ADGRE2: variants seen among roughly 807,000 people sequenced by gnomAD.
ADGRE2 encodes the protein adhesion G protein-coupled receptor E2, also known as CD97 antigen.
A neutral mutation model predicts 100.8 loss-of-function variants in ADGRE2; 83 were observed. The ratio of observed to expected loss-of-function variants is 0.82; its 90% CI spans 0.69 to 0.99. The LOEUF (loss-of-function observed/expected upper bound fraction) is 0.99, where lower values mean the gene tolerates loss of function less well. Ranked by LOEUF, ADGRE2 falls within the 50% of genes least tolerant of loss-of-function variation. The probability of loss-of-function intolerance (pLI) is 0.00; values close to 1 mark genes in which losing one functional copy is unlikely to be tolerated. For synonymous variants in ADGRE2, 355 were observed against 413.0 expected (o/e 0.86, Z 1.70); for missense variants, 814 against 1,035.7 (o/e 0.79, Z 2.94).
chr19:14,771,039 G>T (rs1396762294), intron 5 of ADGRE2, among the ~76,000 whole-genome samples: 1 of 152,048 alleles, frequency 6.6e-6, no homozygotes, highest in Admixed American at 6.6e-5. Flanking sequence ...ATATGTGCAT[G>T]CAATGTAGCA....
At chr19:14,726,787 C>T in the ADGRE2 span, among the ~76,000 whole-genome samples, 3 of 152,158 alleles carry the variant, frequency 2.0e-5, no homozygotes, top group African/African-American at 7.2e-5. Flanking sequence ...CTCAGCCTGA[C>T]CTTCACTGTC....
chr19:14,737,687 T>C (rs2524374), intron 20 of ADGRE2, among the ~76,000 whole-genome samples: 33,886 of 151,808 alleles, frequency 0.22, 4,014 homozygotes, highest in Non-Finnish European at 0.26. Flanking sequence ...CTGGGCCAGG[T>C]GTGGTGACTC....
At chr19:14,759,016 T>G (rs2043604498) in intron 11 of ADGRE2, among the ~76,000 whole-genome samples, 1 of 152,178 alleles carries the variant, frequency 6.6e-6, no homozygotes, top group Non-Finnish European at 1.5e-5. Flanking sequence ...GTGTCCGATT[T>G]ACATAAGGCT....
At chr19:14,728,569 G>A (rs187558865), downstream of ADGRE2, among the ~76,000 whole-genome samples, 13 of 152,324 alleles carry the variant, frequency 8.5e-5, no homozygotes, top group African/African-American at 7.2e-5. Flanking sequence ...AGATGAGCAG[G>A]TGAAGCCACT....
chr19:14,772,172 C>T, intron 5 of ADGRE2, 170 bp downstream of exon 5: 2 of 941,968 alleles, frequency 2.1e-6, no homozygotes, highest in East Asian at 2.5e-5. Flanking sequence ...GGCCTTCACA[C>T]CACGCTGCCT....
intron 1 of ADGRE2, among the ~76,000 whole-genome samples, chr19:14,777,982 T>C (rs1291562335): frequency 1.3e-5 from 2 of 152,246 alleles, no homozygotes; most frequent in Non-Finnish European, 2.9e-5. Context: ...TATAGTAGCA[T>C]GATTTATAAT....
chr19:14,772,286 C>T, intron 5 of ADGRE2, 56 bp downstream of exon 5: 1 of 1,607,950 alleles, frequency 6.2e-7, no homozygotes, highest in Non-Finnish European at 8.5e-7. Context: ...AGAAACAGCT[C>T]TGGTGACCCC....
intron 5 of ADGRE2, among the ~76,000 whole-genome samples, chr19:14,767,358 C>T (rs2044028401): frequency 6.6e-6 from 1 of 152,054 alleles, no homozygotes; most frequent in Non-Finnish European, 1.5e-5. Flanking sequence ...CCTGCCTCAG[C>T]CTCCCGAATA....
At chr19:14,773,101 AAAAAAAAAAG>A (rs1277069862) in intron 4 of ADGRE2, among the ~76,000 whole-genome samples, 1 of 147,530 alleles carries the variant, frequency 6.8e-6, no homozygotes, top group African/African-American at 2.5e-5. Context: ...AAAAAAAACA[AAAAAAAAAAG>A]AAAAAAGAAA....
intron 20 of ADGRE2, among the ~76,000 whole-genome samples, chr19:14,740,860 C>A (rs955663976): frequency 6.6e-5 from 10 of 151,820 alleles, no homozygotes; most frequent in Non-Finnish European, 1.5e-4. Flanking sequence ...CCTCAGCCTC[C>A]CAAGCAGCTG....
At position 14,772,368 on chromosome 19, in the gene ADGRE2, T is replaced by C. The variant is rs1465189039; in HGVS notation, c.329A>G (p.Lys110Arg). The C allele has an allele frequency of 2.5e-6, 4 of 1,614,150 alleles. No individual in the cohort carries two copies. The highest frequency in any genetic ancestry group is 1.3e-5 in the African/African-American group (1 of 75,046). ...TTGACACGTGTTCTCGCTCTCATTC[T>C]TGAATGTTTTTGCCCCAGAAACAGG... ...YEPVSGAKTFKNESENTCQDV... is the reference protein window; with the variant it reads ...YEPVSGAKTFRNESENTCQDV... The change falls in exon 5 of 21, where the codon AAG becomes AGG. Residue 110 changes from lysine to arginine, a missense_variant. By Grantham distance (26) the Lys-to-Arg change is conservative. Transcript: ENST00000315576.
intron 14 of ADGRE2, among the ~76,000 whole-genome samples, chr19:14,752,959 A>C (rs1023581357): frequency 1.3e-5 from 2 of 152,002 alleles, no homozygotes; most frequent in Non-Finnish European, 2.9e-5. Context: ...TTTAGTAGAG[A>C]CAGGGTCACA....
At chr19:14,763,738 CCATTCCTCCTCCTT>C (rs1343023013) in intron 11 of ADGRE2, among the ~76,000 whole-genome samples, 14 of 91,590 alleles carry the variant, frequency 1.5e-4, no homozygotes, top group Non-Finnish European at 2.5e-4. Context: ...CTCTCCTCCT[CCATTCCTCCTCCTT>C]CTCCTCTCCT....
chr19:14,773,965 T>G lies in ADGRE2; in HGVS notation c.172A>C (p.Ile58Leu), dbSNP rs770372103. The G allele has an allele frequency of 1.2e-6, 2 of 1,614,074 alleles. No homozygotes were observed. Among genetic ancestry groups the G allele is most frequent in the Admixed American group, 3.3e-5 (2 of 60,008 alleles). The change falls in exon 4 of 21, where the codon ATC becomes CTC. Residue 58 changes from isoleucine to leucine, a missense_variant. Physicochemically the swap from Ile to Leu is conservative, Grantham distance 5 (BLOSUM62 2). Coordinates refer to ENST00000315576, the MANE Select transcript of ADGRE2 (RefSeq NM_013447.4). The stretch of plus-strand genomic sequence containing the variant: ...TCACAAGTCTCCATGGGGGTGGTGA[T>G]GATCTCAGAAAAAGAGCTGAACCCT... ...NPGFSSFSEI[I>L]TTPMETCDDI...
chr19:14,759,769 A>G (rs1009288818), intron 11 of ADGRE2, among the ~76,000 whole-genome samples: 2 of 149,940 alleles, frequency 1.3e-5, no homozygotes, highest in Non-Finnish European at 3.0e-5. Flanking sequence ...TGCTAGGATT[A>G]CGGGTGTGAG....
In ADGRE2 at chr19:14,737,524, C is replaced by T. The variant is rs73513942; in HGVS notation, c.2464-1280G>A. On this transcript the variant is annotated intron_variant, in intron 20 of 20. Coordinates refer to ENST00000315576, the MANE Select transcript of ADGRE2 (RefSeq NM_013447.4). The stretch of plus-strand genomic sequence containing the variant: ...AGTCTTTAATCATAAGGTTTTCTTA[C>T]CATATGTATTTGTCAGGGCAACATC... 3.3e-3 allele frequency among the ~76,000 whole-genome samples: 496 copies of T among 152,144 alleles called. 2 individuals are homozygous for T. Among genetic ancestry groups the T allele is most frequent in the African/African-American group, 0.011 (461 of 41,518 alleles).
chr19:14,767,944 T>C (rs989864181), intron 5 of ADGRE2, among the ~76,000 whole-genome samples: 1 of 152,262 alleles, frequency 6.6e-6, no homozygotes, highest in African/African-American at 2.4e-5. Context: ...CAGCAGCCTA[T>C]GCAACTGTAC....
In ADGRE2 at chr19:14,754,879, T is replaced by TC. The variant is rs398120850; in HGVS notation, c.1590+74_1590+75insG. 2.6e-6 allele frequency: 4 copies of TC among 1,534,324 alleles called. No individual in the cohort carries two copies. In the African/African-American group the frequency reaches 5.5e-5, roughly 21 times the overall value. ...CTGTGAGATAATGCATATATTTTTTTAAAAGGCTGCTACGTCTCTGGGGAT... is the reference window on the plus strand; with the variant it reads ...CTGTGAGATAATGCATATATTTTTTTCAAAAGGCTGCTACGTCTCTGGGGAT... On this transcript the variant is annotated intron_variant, in intron 14 of 20. Coordinates refer to ENST00000315576, the MANE Select transcript of ADGRE2 (RefSeq NM_013447.4).
At chr19:14,753,405 T>C (rs1254792284) in intron 14 of ADGRE2, among the ~76,000 whole-genome samples, 1 of 152,062 alleles carries the variant, frequency 6.6e-6, no homozygotes, top group African/African-American at 2.4e-5. Flanking sequence ...ATTGATAAGA[T>C]GTTCCTGTCA....
Sources: gnomAD v4.1 joint callset for allele counts (sites outside exome capture counted in the v4.1 genomes callset) on GRCh38, gnomAD v4.1.1 for gene constraint, MANE v1.5 for transcripts, NCBI Gene and HGNC (gene_info 2026-07-23, HGNC 2026-07-21) for gene names.